Variants in STK16 observed in about 807,000 individuals in gnomAD.
STK16 encodes the protein serine/threonine-protein kinase 16.
Under a neutral mutation model 37.8 loss-of-function variants are expected in STK16, and 28 were observed. The observed-to-expected ratio is 0.74, with a 90% confidence interval of 0.55 to 1.02. The LOEUF (loss-of-function observed/expected upper bound fraction) is 1.02. Among genes scored for constraint, STK16 ranks in the 50% least tolerant of loss-of-function variants. The pLI is 0.00. For synonymous variants in STK16, 134 were observed against 155.0 expected (o/e 0.86, Z 1.01); for missense variants, 349 against 390.6 (o/e 0.89, Z 0.90).
rs1038013807 is a variant in STK16, at chr2:219,247,453, G to A, written c.479G>A (p.Gly160Glu). 1 of 1,603,116 alleles carries A rather than the reference G, an allele frequency of 6.2e-7. No individual in the cohort carries two copies. The highest frequency in any genetic ancestry group is 1.1e-5 in the South Asian group (1 of 90,858). ...KPTNILLGDE[G>E]QPVLMDLGSM... is the part of the protein sequence containing the mutation. ...ACCAATATATTGCTTGGAGATGAGG[G>A]GCAGCCAGTTTTAATGGACTTGGGT... is the stretch of plus-strand genomic sequence containing the variant. The change falls in exon 5 of 8, where the codon GGG becomes GAG. Residue 160 changes from glycine (G) to glutamate (E), a missense_variant. Physicochemically the swap from Gly to Glu is moderately conservative, Grantham distance 98. Coordinates refer to ENST00000396738, the MANE Select transcript of STK16 (RefSeq NM_001330213.2).
At position 219,248,178 on chromosome 2, in the gene STK16, T is replaced by G; in HGVS notation, c.658-15T>G. 6.2e-7 allele frequency: 1 copy of G among 1,613,924 alleles called. No individual in the cohort carries two copies. Among genetic ancestry groups the G allele is most frequent in the Non-Finnish European group, 8.5e-7 (1 of 1,179,884 alleles). On this transcript the variant is annotated splice_polypyrimidine_tract_variant and intron_variant, in intron 6 of 7. Transcript: ENST00000396738. ...CCACTGGTCCCCTTCTAGGGACTAA[T>G]CAAGTTATGCTCAGTCCCTAGGCTG...
At position 219,245,941 on chromosome 2, in the gene STK16, A is replaced by T. The variant is rs566923166; in HGVS notation, c.-59A>T. On this transcript the variant is annotated 5_prime_UTR_variant, in exon 2 of 8. Coordinates refer to ENST00000396738, the MANE Select transcript of STK16 (RefSeq NM_001330213.2). Reference sequence around the variant, plus strand: ...GCGCATCTCCTGGAAGAGCCCACTCACCCTGGACGAGCTCTTCGGTAGCCT... The same window carrying T: ...GCGCATCTCCTGGAAGAGCCCACTCTCCCTGGACGAGCTCTTCGGTAGCCT... 3.4e-5 allele frequency: 49 copies of T among 1,438,634 alleles called. No homozygotes were observed. The African/African-American group carries it at 5.1e-4, about 15-fold the overall frequency. The allele number at this position is 1,438,634 out of a possible 1,614,324, so 89.1% of individuals were successfully genotyped here.
chr2:219,246,695 A>T lies in STK16; in HGVS notation c.125A>T (p.Asp42Val). The T allele has an allele frequency of 6.2e-7, 1 of 1,614,214 alleles. No homozygotes were observed. Residue 42 changes from aspartate (D) to valine (V), a missense_variant, in exon 3 of 8, where the codon GAT becomes GTT. Coordinates refer to ENST00000396738, the MANE Select transcript of STK16 (RefSeq NM_001330213.2). The surrounding 1 kb of genome is among the most constrained non-coding windows in gnomAD (Gnocchi z 4.5). ...SYVDLVEGLHDGHFYALKRIL... is the reference protein window; with the variant it reads ...SYVDLVEGLHVGHFYALKRIL... ...GTGGACCTAGTGGAAGGGTTACATG[A>T]TGGACACTTCTACGCCCTGAAGCGA...
chr2:219,245,835 G>T, intron 1 of STK16, 39 bp downstream of exon 1: 2 of 571,284 alleles, frequency 3.5e-6, no homozygotes. Flanking sequence ...CTCCGCATTG[G>T]TACTTCATGG....
At position 219,245,934 on chromosome 2, in the gene STK16, C is replaced by A; in HGVS notation, c.-66C>A. On this transcript the variant is annotated 5_prime_UTR_variant, in exon 2 of 8. Coordinates refer to ENST00000396738, the MANE Select transcript of STK16 (RefSeq NM_001330213.2). ...GCCCCCAGCGCATCTCCTGGAAGAGCCCACTCACCCTGGACGAGCTCTTCG... is the reference window on the plus strand; with the variant it reads ...GCCCCCAGCGCATCTCCTGGAAGAGACCACTCACCCTGGACGAGCTCTTCG... 7.5e-7 allele frequency: 1 copy of A among 1,339,742 alleles called. No homozygotes were observed. The highest frequency in any genetic ancestry group is 1.1e-6 in the Non-Finnish European group (1 of 946,480). 83.0% of individuals were successfully genotyped at this position (1,339,742 alleles called of 1,614,324 possible). A position where few individuals can be genotyped will look rare whatever the true frequency, so the allele number is the denominator to read the frequency against.
chr2:219,250,294 C>T lies in STK16; in HGVS notation c.*1735C>T, dbSNP rs1951623989. On this transcript the variant is annotated 3_prime_UTR_variant, in exon 8 of 8. Coordinates refer to ENST00000396738, the MANE Select transcript of STK16 (RefSeq NM_001330213.2). The surrounding 1 kb of genome is among the most constrained non-coding windows in gnomAD (Gnocchi z 8.4). ...GGGAACAAGAAACCGTGCAAGGAAA[C>T]TGTTTATTTCGAAAGGATTTTGCAA... is the stretch of plus-strand genomic sequence containing the variant. 8 of 1,546,624 alleles carry T rather than the reference C, an allele frequency of 5.2e-6. No homozygotes were observed. The Admixed American group carries it at 1.6e-4, about 31-fold the overall frequency.
In STK16 at chr2:219,250,243, AG is replaced by A. The variant is rs1369088108; in HGVS notation, c.*1686del. The stretch of plus-strand genomic sequence containing the variant: ...CAGAGCAGCAGCAGCATGAAGGGGA[AG>A]GCAGCAGAAGCTCAAGCACTCAGAG... On this transcript the variant is annotated 3_prime_UTR_variant, in exon 8 of 8. Coordinates refer to ENST00000396738, the MANE Select transcript of STK16 (RefSeq NM_001330213.2). This position sits in a 1 kb window ranked among gnomAD's most constrained non-coding sequence, Gnocchi z 8.4. The A allele has an allele frequency of 6.9e-7, 1 of 1,445,196 alleles. No homozygotes were observed. The highest frequency in any genetic ancestry group is 1.4e-5 in the African/African-American group (1 of 70,380). The allele number at this position is 1,445,196 out of a possible 1,614,324, so 89.5% of individuals were successfully genotyped here. A position where few individuals can be genotyped will look rare whatever the true frequency, so the allele number is the denominator to read the frequency against.
rs770386848 is a variant in STK16, at chr2:219,246,076, T to G, written c.77T>G (p.Leu26Arg). 2.2e-5 allele frequency: 35 copies of G among 1,613,688 alleles called. No homozygotes were observed. The Middle Eastern group carries it at 5.0e-4, about 23-fold the overall frequency. ...DNKRYLFIQK[L>R]GEGGFSYVDL... ...AAGCGCTACCTCTTCATCCAGAAAC[T>G]GGGGGAGGGGTGAGTGTTTGGAAGT... is the stretch of plus-strand genomic sequence containing the variant. The change falls in exon 2 of 8, where the codon CTG (leucine) becomes CGG (arginine). Residue 26 changes from leucine (L) to arginine (R), a missense_variant. Coordinates refer to ENST00000396738, the MANE Select transcript of STK16 (RefSeq NM_001330213.2). The surrounding 1 kb of genome is among the most constrained non-coding windows in gnomAD (Gnocchi z 4.5).
rs1321250191 is a variant in STK16, at chr2:219,245,769, G to T, written c.-132G>T. ...CCCCACCCCTGAAGCTGGCGACGGA[G>T]CAGGGCCTGTTTTCTCTACACTATA... On this transcript the variant is annotated 5_prime_UTR_variant, in exon 1 of 8. Coordinates refer to ENST00000396738, the MANE Select transcript of STK16 (RefSeq NM_001330213.2). 5.8e-6 allele frequency: 2 copies of T among 342,486 alleles called. No homozygotes were observed. Among genetic ancestry groups the T allele is most frequent in the Non-Finnish European group, 1.1e-5 (2 of 186,436 alleles). The allele number at this position is 342,486 out of a possible 1,614,324, so 21.2% of individuals were successfully genotyped here.
At chr2:219,245,837 A>G in intron 1 of STK16, 41 bp downstream of exon 1, 1 of 567,476 alleles carries the variant, frequency 1.8e-6, no homozygotes, top group Non-Finnish European at 3.2e-6. Context: ...CCGCATTGGT[A>G]CTTCATGGGT....
chr2:219,249,414 T>C lies in STK16; in HGVS notation c.*855T>C, dbSNP rs1253709051. The C allele has an allele frequency of 6.6e-6, 1 of 152,280 alleles. No individual in the cohort carries two copies. The highest frequency in any genetic ancestry group is 1.5e-5 in the Non-Finnish European group (1 of 68,062). 9.4% of individuals were successfully genotyped at this position (152,280 alleles called of 1,614,324 possible). ...GGTGTGGCAGTATCCAGCTGCCACT[T>C]CCTGCCTACTCTGCTGAGTAAACAG... On this transcript the variant is annotated 3_prime_UTR_variant, in exon 8 of 8. Transcript: ENST00000396738.
At position 219,246,521 on chromosome 2, in the gene STK16, G is replaced by T. The variant is rs781191738; in HGVS notation, c.87-136G>T. 5.0e-5 allele frequency: 37 copies of T among 738,670 alleles called. No individual in the cohort carries two copies. In the East Asian group the frequency reaches 9.2e-4, roughly 18 times the overall value. 45.8% of individuals were successfully genotyped at this position (738,670 alleles called of 1,614,324 possible). A position where few individuals can be genotyped will look rare whatever the true frequency, so the allele number is the denominator to read the frequency against. On this transcript the variant is annotated intron_variant, in intron 2 of 7. Coordinates refer to ENST00000396738, the MANE Select transcript of STK16 (RefSeq NM_001330213.2). The surrounding 1 kb of genome is among the most constrained non-coding windows in gnomAD (Gnocchi z 4.5). ...GGAGCTCACGGTGTAATATTCTTCA[G>T]ATTTCTCTTAGAGCCACATCTTGGG...
Position 219,250,140 on chromosome 2 carries a change from T to C in STK16, c.*1581T>C. On this transcript the variant is annotated 3_prime_UTR_variant, in exon 8 of 8. Coordinates refer to ENST00000396738, the MANE Select transcript of STK16 (RefSeq NM_001330213.2). The surrounding 1 kb of genome is among the most constrained non-coding windows in gnomAD (Gnocchi z 8.4). ...CTTCAATTTAAAGTCCCTGGGGTTA[T>C]GCTTCCTGGGCCTGGCAAGAACCCC... is the stretch of plus-strand genomic sequence containing the variant. 2.8e-6 allele frequency: 2 copies of C among 721,952 alleles called. No homozygotes were observed. The highest frequency in any genetic ancestry group is 4.6e-6 in the Non-Finnish European group (2 of 431,546). 44.7% of individuals were successfully genotyped at this position (721,952 alleles called of 1,614,324 possible).
rs755419224 is a variant in STK16 at position 219,246,575 on chromosome 2, C to T, written c.87-82C>T. ...GTTTCTGCTAAATGGGAAGGACACC[C>T]CACTCCCCACCAGGAAATTTCTCTA... On this transcript the variant is annotated intron_variant, in intron 2 of 7. Transcript: ENST00000396738. The surrounding 1 kb of genome is among the most constrained non-coding windows in gnomAD (Gnocchi z 4.5). 2.7e-5 allele frequency: 30 copies of T among 1,110,494 alleles called. No homozygotes were observed. Among genetic ancestry groups the T allele is most frequent in the Non-Finnish European group, 3.7e-5 (27 of 733,984 alleles). 68.8% of individuals were successfully genotyped at this position (1,110,494 alleles called of 1,614,324 possible).
In STK16 at chr2:219,250,078, G is replaced by T; in HGVS notation, c.*1519G>T. 2.4e-6 allele frequency: 1 copy of T among 411,850 alleles called. No individual in the cohort carries two copies. Among genetic ancestry groups the T allele is most frequent in the Non-Finnish European group, 4.4e-6 (1 of 228,356 alleles). The allele number at this position is 411,850 out of a possible 1,614,324, so 25.5% of individuals were successfully genotyped here. A position where few individuals can be genotyped will look rare whatever the true frequency, so the allele number is the denominator to read the frequency against. On this transcript the variant is annotated 3_prime_UTR_variant, in exon 8 of 8. Transcript: ENST00000396738. This position sits in a 1 kb window ranked among gnomAD's most constrained non-coding sequence, Gnocchi z 8.4. ...CTTCAACAGTTTGTGCCTGGATTTT[G>T]GTCCTCATTTCCTCCCTATACTGAG...
Position 219,247,121 on chromosome 2 carries a change from G to T in STK16, c.315G>T (p.Thr105=). The change falls in exon 4 of 8, where the codon ACG becomes ACT. Residue 105 remains threonine, a synonymous_variant. Coordinates refer to ENST00000396738, the MANE Select transcript of STK16 (RefSeq NM_001330213.2). The part of the protein sequence containing the change: ...WLLLPFFKRG[T]LWNEIERLKD... Reference sequence around the variant, plus strand: ...GGAAACTTGTGTTGCAGAGAGGTACGCTGTGGAATGAGATAGAAAGGCTGA... The same window carrying T: ...GGAAACTTGTGTTGCAGAGAGGTACTCTGTGGAATGAGATAGAAAGGCTGA... The T allele has an allele frequency of 6.2e-7, 1 of 1,614,228 alleles. No individual in the cohort carries two copies.
Position 219,247,185 on chromosome 2 carries a change from T to C in STK16, c.379T>C (p.Trp127Arg), listed in dbSNP as rs781376265. The C allele has an allele frequency of 1.4e-5, 23 of 1,614,128 alleles. No homozygotes were observed. Among genetic ancestry groups the C allele is most frequent in the African/African-American group, 8.0e-5 (6 of 74,942 alleles). ...CTTCCTGACCGAGGATCAAATCCTT[T>C]GGCTGCTGCTGGGGATCTGCAGAGG... The part of the protein sequence containing the change: ...GNFLTEDQIL[W>R]LLLGICRGLE... Residue 127 changes from tryptophan to arginine, a missense_variant, in exon 4 of 8, where the codon TGG (tryptophan) becomes CGG (arginine). Coordinates refer to ENST00000396738, the MANE Select transcript of STK16 (RefSeq NM_001330213.2).
rs780761127 is a variant in STK16, at chr2:219,248,270, G to A, written c.735G>A (p.Val245=). 1.2e-6 allele frequency: 2 copies of A among 1,614,204 alleles called. No homozygotes were observed. The highest frequency in any genetic ancestry group is 1.7e-6 in the Non-Finnish European group (2 of 1,180,034). Residue 245 remains valine (V), a synonymous_variant, in exon 7 of 8, where the codon GTG becomes GTA. Transcript: ENST00000396738. ...YDMVFQKGDS[V]ALAVQNQLSI... ...TGGTGTTCCAAAAGGGTGACAGTGTGGCCCTTGCTGTGCAGAACCAACTCA... is the reference window on the plus strand; with the variant it reads ...TGGTGTTCCAAAAGGGTGACAGTGTAGCCCTTGCTGTGCAGAACCAACTCA...
rs1283937667 is a variant in STK16, at chr2:219,250,319, A to G, written c.*1760A>G. ...CTGTTTATTTCGAAAGGATTTTGCAATAAACATAGTGAATAGGCTCCAGGC... is the reference window on the plus strand; with the variant it reads ...CTGTTTATTTCGAAAGGATTTTGCAGTAAACATAGTGAATAGGCTCCAGGC... On this transcript the variant is annotated 3_prime_UTR_variant, in exon 8 of 8. Transcript: ENST00000396738. This position sits in a 1 kb window ranked among gnomAD's most constrained non-coding sequence, Gnocchi z 8.4. 2 of 1,571,780 alleles carry G rather than the reference A, an allele frequency of 1.3e-6. No homozygotes were observed. Among genetic ancestry groups the G allele is most frequent in the Admixed American group, 1.9e-5 (1 of 53,836 alleles).
Sources: gnomAD v4.1 joint callset for allele counts on GRCh38, gnomAD v4.1.1 for gene constraint, Gnocchi (gnomAD v3.1) non-coding constraint, MANE v1.5 for transcripts, NCBI Gene and HGNC (gene_info 2026-07-23, HGNC 2026-07-21) for gene names.